The following ATP13A4 variants were observed in gnomAD, a reference collection of about 807,000 sequenced individuals.
ATP13A4 encodes the protein probable cation-transporting ATPase 13A4.
Under a neutral mutation model 142.5 loss-of-function variants are expected in ATP13A4, and 114 were observed. The observed-to-expected ratio is 0.80, with a 90% CI of 0.69 to 0.93. ATP13A4 has a LOEUF of 0.93. Ranked by LOEUF, ATP13A4 falls within the 40% of genes least tolerant of loss-of-function variation. ATP13A4 has a pLI of 0.00. For missense variants in ATP13A4, 1,392 were observed against 1,454.0 expected (o/e 0.96, Z 0.69); for synonymous variants, 488 against 514.8 (o/e 0.95, Z 0.70).
At chr3:193,576,724 G>C (rs1043646424) in intron 2 of ATP13A4, among the ~76,000 whole-genome samples, 2 of 152,182 alleles carry the variant, frequency 1.3e-5, no homozygotes, top group Non-Finnish European at 2.9e-5. Context: ...GAATGTATTA[G>C]GTAATACTGG....
At chr3:193,406,288 G>A (rs1028752644) in intron 29 of ATP13A4, among the ~76,000 whole-genome samples, 1 of 152,202 alleles carries the variant, frequency 6.6e-6, no homozygotes, top group African/African-American at 2.4e-5. Flanking sequence ...CCTTCACTCT[G>A]CATAGGAGTA....
chr3:193,441,725 TTTC>T, intron 19 of ATP13A4, 137 bp from the exon 20 acceptor site: 1 of 1,046,468 alleles, frequency 9.6e-7, no homozygotes, highest in Non-Finnish European at 1.4e-6. Context: ...AGAGAAGCAT[TTTC>T]TTTTTGCTGG....
intron 29 of ATP13A4, chr3:193,403,656 G>T (rs1318625729): frequency 2.9e-6 from 2 of 678,368 alleles, no homozygotes; most frequent in Non-Finnish European, 3.6e-6. Flanking sequence ...AAAACATTTT[G>T]CAATGCCATT....
At chr3:193,493,855 T>G (rs545289521) in intron 3 of ATP13A4, among the ~76,000 whole-genome samples, 1 of 152,162 alleles carries the variant, frequency 6.6e-6, no homozygotes, top group Admixed American at 6.6e-5. Context: ...TCATTTTCCT[T>G]TCTAACATAA....
chr3:193,522,613 C>T (rs968402395), intron 1 of ATP13A4, among the ~76,000 whole-genome samples: 2 of 152,198 alleles, frequency 1.3e-5, no homozygotes, highest in Non-Finnish European at 2.9e-5. Flanking sequence ...CTGATATTCT[C>T]GTTTGGCAGG....
chr3:193,420,813 A>G (rs1186513054), intron 25 of ATP13A4, among the ~76,000 whole-genome samples: 1 of 149,362 alleles, frequency 6.7e-6, no homozygotes, highest in Admixed American at 7.0e-5. Flanking sequence ...AGCAAGCAGA[A>G]GAAAGAATCT....
chr3:193,483,396 A>C (rs1046819521), intron 8 of ATP13A4, among the ~76,000 whole-genome samples: 1 of 152,216 alleles, frequency 6.6e-6, no homozygotes, highest in Non-Finnish European at 1.5e-5. Flanking sequence ...CAAATTCTAC[A>C]CTATAAGTAT....
At chr3:193,489,705 C>A in intron 7 of ATP13A4, 25 bp downstream of exon 7, 2 of 1,592,528 alleles carry the variant, frequency 1.3e-6, no homozygotes, top group South Asian at 2.2e-5. Context: ...CTTTATGAAA[C>A]CATAGAATTA....
Position 193,402,119 on chromosome 3 carries a change from C to T in ATP13A4, c.*533G>A, listed in dbSNP as rs866798966. The T allele has an allele frequency of 6.4e-6, 1 of 156,388 alleles. No individual in the cohort carries two copies. Among genetic ancestry groups the T allele is most frequent in the African/African-American group, 2.4e-5 (1 of 41,432 alleles). The allele number at this position is 156,388 out of a possible 1,614,324, so 9.7% of individuals were successfully genotyped here. On this transcript the variant is annotated 3_prime_UTR_variant, in exon 30 of 30. Transcript: ENST00000342695. ...TTATTGCAGCATAGGCTAAGCTTATCCTTAACAATATGTTGGGTAAGGCCA... is the reference window on the plus strand; with the variant it reads ...TTATTGCAGCATAGGCTAAGCTTATTCTTAACAATATGTTGGGTAAGGCCA...
chr3:193,496,119 C>T (rs1024797596), intron 3 of ATP13A4, among the ~76,000 whole-genome samples: 1 of 152,122 alleles, frequency 6.6e-6, no homozygotes, highest in African/African-American at 2.4e-5. Flanking sequence ...ATTGAAAGAA[C>T]TAATCTTATT....
rs149386785 is a variant in ATP13A4 at position 193,410,265 on chromosome 3, C to T, written c.3297+717G>A. 1.6e-3 allele frequency among the ~76,000 whole-genome samples: 238 copies of T among 147,360 alleles called. 1 individual carries two copies. Among genetic ancestry groups the T allele is most frequent in the African/African-American group, 5.7e-3 (226 of 39,364 alleles). On this transcript the variant is annotated intron_variant, in intron 28 of 29. Coordinates refer to ENST00000342695, the MANE Select transcript of ATP13A4 (RefSeq NM_032279.4). ...AACACACAGAAAACATTTTTAAAGC[C>T]GTAAAAAAATACATAAATATATGAT...
At chr3:193,507,101 G>C (rs1469801099) in intron 2 of ATP13A4, among the ~76,000 whole-genome samples, 3 of 152,068 alleles carry the variant, frequency 2.0e-5, no homozygotes, top group Non-Finnish European at 2.9e-5. Context: ...ATGTAGTTCT[G>C]GCTTGCCTTA....
At chr3:193,549,253 A>G (rs1311932340) in intron 1 of ATP13A4, among the ~76,000 whole-genome samples, 1 of 152,100 alleles carries the variant, frequency 6.6e-6, no homozygotes, top group African/African-American at 2.4e-5. Flanking sequence ...CCTTAAGGAA[A>G]TAATCTGAAA....
At chr3:193,414,457 G>C in intron 26 of ATP13A4, 122 bp downstream of exon 26, 5 of 1,095,998 alleles carry the variant, frequency 4.6e-6, no homozygotes, top group Non-Finnish European at 6.8e-6. Flanking sequence ...ATTTGCCCAA[G>C]GGACTTTAAA....
intron 14 of ATP13A4, 73 bp downstream of exon 14, chr3:193,459,008 A>G (rs988428462): frequency 6.3e-7 from 1 of 1,585,410 alleles, no homozygotes; most frequent in Non-Finnish European, 8.7e-7. Context: ...TAAGAATTAG[A>G]TAGCTCTGAT....
At chr3:193,437,499 T>C (rs1321199611) in intron 23 of ATP13A4, among the ~76,000 whole-genome samples, 1 of 152,194 alleles carries the variant, frequency 6.6e-6, no homozygotes, top group Non-Finnish European at 1.5e-5. Context: ...GTAGATAAAA[T>C]ACATTTGAAT....
intron 12 of ATP13A4, among the ~76,000 whole-genome samples, chr3:193,464,424 G>T (rs972987244): frequency 6.6e-6 from 1 of 152,132 alleles, no homozygotes; most frequent in African/African-American, 2.4e-5. Flanking sequence ...GGAATAACTG[G>T]CAAATAATCA....
intron 18 of ATP13A4, among the ~76,000 whole-genome samples, chr3:193,445,615 G>A (rs916823074): frequency 1.3e-5 from 2 of 151,702 alleles, no homozygotes; most frequent in Non-Finnish European, 2.9e-5. Flanking sequence ...AAATTAGCTG[G>A]GCGTGGTGGT....
intron 3 of ATP13A4, among the ~76,000 whole-genome samples, chr3:193,495,159 C>T (rs1577021695): frequency 6.6e-6 from 1 of 152,046 alleles, no homozygotes; most frequent in South Asian, 2.1e-4. Context: ...CTGCTGAATT[C>T]TACTAAACAT....
Sources: allele counts gnomAD v4.1 joint callset (sites outside exome capture counted in the v4.1 genomes callset), GRCh38; gene constraint gnomAD v4.1.1; transcripts MANE v1.5; gene names NCBI Gene and HGNC (gene_info 2026-07-23, HGNC 2026-07-21).